PAX5: variants seen among roughly 807,000 people sequenced by gnomAD.
The protein encoded by PAX5 is paired box protein Pax-5.
A neutral mutation model predicts 43.7 loss-of-function variants in PAX5; 9 were observed. The ratio of observed to expected loss-of-function variants is 0.21; its 90% CI spans 0.12 to 0.36. PAX5 has a LOEUF of 0.36. Among genes scored for constraint, PAX5 ranks in the 10% least tolerant of loss-of-function variants. The pLI is 1.00. For missense variants in PAX5, 383 were observed against 532.7 expected (o/e 0.72, Z 2.77); for synonymous variants, 228 against 214.3 (o/e 1.06, Z -0.56).
At chr9:36,875,430 C>A (rs1317353485) in intron 8 of PAX5, among the ~76,000 whole-genome samples, 2 of 152,114 alleles carry the variant, frequency 1.3e-5, no homozygotes, top group Admixed American at 1.3e-4. Context: ...ACGAGTAAAC[C>A]ACACACTAAA....
intron 8 of PAX5, among the ~76,000 whole-genome samples, chr9:36,875,481 G>A (rs115963102): frequency 9.7e-4 from 148 of 152,298 alleles, no homozygotes; most frequent in African/African-American, 3.5e-3. Flanking sequence ...AAAAGAGCAG[G>A]AAGCTCTGGG....
At chr9:36,927,560 G>A (rs1191183897) in intron 6 of PAX5, among the ~76,000 whole-genome samples, 1 of 152,152 alleles carries the variant, frequency 6.6e-6, no homozygotes, top group Non-Finnish European at 1.5e-5. Flanking sequence ...TATACATGCA[G>A]CGGGAGGTCC....
chr9:36,902,638 G>T (rs1303843836), intron 7 of PAX5, among the ~76,000 whole-genome samples: 1 of 152,214 alleles, frequency 6.6e-6, no homozygotes, highest in Admixed American at 6.5e-5. Flanking sequence ...AGTGTTGGGG[G>T]CATGGGAAGC....
At chr9:36,865,168 A>C (rs1824743720) in intron 8 of PAX5, among the ~76,000 whole-genome samples, 1 of 152,174 alleles carries the variant, frequency 6.6e-6, no homozygotes. Flanking sequence ...AACACAGGCC[A>C]GGCACCCACT....
intron 8 of PAX5, among the ~76,000 whole-genome samples, chr9:36,869,393 C>T (rs1825204698): frequency 6.6e-6 from 1 of 152,226 alleles, no homozygotes; most frequent in Non-Finnish European, 1.5e-5. Flanking sequence ...CAACAATAAA[C>T]CTGAAAATTG....
chr9:36,878,655 G>T (rs938817005), intron 8 of PAX5, among the ~76,000 whole-genome samples: 9 of 152,230 alleles, frequency 5.9e-5, no homozygotes, highest in African/African-American at 2.2e-4. Flanking sequence ...CCACGGTGAG[G>T]CCTGACAGCC....
Position 36,966,667 on chromosome 9 carries a change from C to T in PAX5, c.662G>A (p.Arg221Gln), listed in dbSNP as rs142210825. The change falls in exon 6 of 10, where the codon CGG becomes CAG. Residue 221 changes from arginine to glutamine, a missense_variant. Arg to Gln is a conservative substitution (Grantham distance 43). Coordinates refer to ENST00000358127, the MANE Select transcript of PAX5 (RefSeq NM_016734.3). ...GAACAAGTCTCCCCGCATCTGCTTC[C>T]GGAGGAAGTCTCTGCCCGGAAGCGA... ...GHSLPGRDFLRKQMRGDLFTQ... is the reference protein window; with the variant it reads ...GHSLPGRDFLQKQMRGDLFTQ... 1.5e-5 allele frequency: 24 copies of T among 1,614,082 alleles called. No homozygotes were observed. In the African/African-American group the frequency reaches 1.9e-4, roughly 13 times the overall value.
intron 5 of PAX5, among the ~76,000 whole-genome samples, chr9:36,975,816 A>G (rs538666449): frequency 6.6e-6 from 1 of 152,406 alleles, no homozygotes; most frequent in African/African-American, 2.4e-5. Context: ...CCTGACACAT[A>G]GTAAGTGCTC....
At chr9:36,878,514 G>A (rs952496175) in intron 8 of PAX5, among the ~76,000 whole-genome samples, 3 of 152,246 alleles carry the variant, frequency 2.0e-5, no homozygotes, top group African/African-American at 7.2e-5. Context: ...GATTCTGACA[G>A]GTCAAGGTGG....
chr9:37,022,865 G>C (rs372831696), intron 1 of PAX5, among the ~76,000 whole-genome samples: 1 of 152,128 alleles, frequency 6.6e-6, no homozygotes, highest in African/African-American at 2.4e-5. Flanking sequence ...GGGGTGACCT[G>C]GGAGCCTGTT....
chr9:37,034,182 AGCTGGG>A lies in PAX5; in HGVS notation c.-157_-152del. The stretch of plus-strand genomic sequence containing the variant: ...ATTCAAGCCTTCCGCTCCCCCGCCG[AGCTGGG>A]GTAGCTGATCACTGAGCTGAAACTA... On this transcript the variant is annotated 5_prime_UTR_variant, in exon 1 of 10. Transcript: ENST00000358127. 5.2e-6 allele frequency: 3 copies of A among 579,624 alleles called. No homozygotes were observed. The highest frequency in any genetic ancestry group is 2.1e-5 in the South Asian group (1 of 46,776). The allele number at this position is 579,624 out of a possible 1,614,324, so 35.9% of individuals were successfully genotyped here.
chr9:37,033,946 C>G (rs745491534), intron 1 of PAX5, 40 bp downstream of exon 1: 1 of 1,606,118 alleles, frequency 6.2e-7, no homozygotes, highest in South Asian at 1.1e-5. Flanking sequence ...CTGGCCGTGT[C>G]CCGGAGTTTG....
chr9:37,007,513 T>C (rs545848590), intron 3 of PAX5: 29 of 152,328 alleles, frequency 1.9e-4, no homozygotes, highest in African/African-American at 7.0e-4. Flanking sequence ...AGACAGCAAG[T>C]CCGGCGCATC....
intron 1 of PAX5, among the ~76,000 whole-genome samples, chr9:37,024,542 A>G (rs1347090528): frequency 6.6e-6 from 1 of 152,200 alleles, no homozygotes; most frequent in Non-Finnish European, 1.5e-5. Flanking sequence ...GAGCAGGCCT[A>G]CATTGTGCAA....
chr9:36,886,217 C>T (rs780552976), intron 7 of PAX5, among the ~76,000 whole-genome samples: 4 of 152,142 alleles, frequency 2.6e-5, no homozygotes, highest in African/African-American at 4.8e-5. Flanking sequence ...TGTGTTAAGA[C>T]CTGAGTTTGG....
chr9:36,965,662 G>A (rs1419734137), intron 6 of PAX5, among the ~76,000 whole-genome samples: 1 of 152,204 alleles, frequency 6.6e-6, no homozygotes, highest in African/African-American at 2.4e-5. Context: ...GAAACTCAGC[G>A]CAGCCAGTTC....
chr9:36,923,449 A>G lies in PAX5; in HGVS notation c.816T>C (p.Gly272=). 1 of 1,611,784 alleles carries G rather than the reference A, an allele frequency of 6.2e-7. No homozygotes were observed. Among genetic ancestry groups the G allele is most frequent in the South Asian group, 1.1e-5 (1 of 91,074 alleles). ...GATTGGCCTTCATGTCGTCCAGCCC[A>G]CCAGCCAGCGAGGCCATGGCTGAAT... is the stretch of plus-strand genomic sequence containing the variant. ...TEYSAMASLA[G]GLDDMKANLA... Residue 272 remains glycine (G), a synonymous_variant, in exon 7 of 10, where the codon GGT becomes GGC. Coordinates refer to ENST00000358127, the MANE Select transcript of PAX5 (RefSeq NM_016734.3).
At chr9:36,935,158 G>T (rs1831441312) in intron 6 of PAX5, among the ~76,000 whole-genome samples, 1 of 152,152 alleles carries the variant, frequency 6.6e-6, no homozygotes, top group African/African-American at 2.4e-5. Flanking sequence ...GAGGCGGGCA[G>T]ATCATCTGAG....
chr9:36,990,975 C>A (rs10973157), intron 5 of PAX5, among the ~76,000 whole-genome samples: 1 of 152,016 alleles, frequency 6.6e-6, no homozygotes, highest in Admixed American at 6.6e-5. Flanking sequence ...CCAGGCATGG[C>A]GGTTCATGCC....
Sources: allele counts gnomAD v4.1 joint callset (sites outside exome capture counted in the v4.1 genomes callset), GRCh38; gene constraint gnomAD v4.1.1; transcripts MANE v1.5; gene names NCBI Gene and HGNC (gene_info 2026-07-23, HGNC 2026-07-21).